The following SPNS2 variants were observed in gnomAD, a reference collection of about 807,000 sequenced individuals.
SPNS2 encodes the protein SPNS lysolipid transporter 2, sphingosine-1-phosphate.
Under a neutral mutation model 57.6 loss-of-function variants are expected in SPNS2, and 37 were observed. The ratio of observed to expected loss-of-function variants is 0.64; its 90% CI spans 0.49 to 0.85. SPNS2 has a LOEUF of 0.85. SPNS2 is among the 40% of genes least tolerant of loss of function. The pLI, the probability that SPNS2 is intolerant of heterozygous loss-of-function variation, is 0.00. For missense variants in SPNS2, 831 were observed against 779.1 expected (o/e 1.07, Z -0.79); for synonymous variants, 440 against 346.9 (o/e 1.27, Z -2.98).
In SPNS2 at chr17:4,538,472, G is replaced by T. The variant is rs574084663; in HGVS notation, c.*1024G>T. The T allele has an allele frequency of 2.2e-4, 5 of 23,208 alleles. No individual in the cohort carries two copies. The highest frequency in any genetic ancestry group is 6.3e-4 in the Admixed American group (1 of 1,596). 1.4% of individuals were successfully genotyped at this position (23,208 alleles called of 1,614,324 possible). On this transcript the variant is annotated 3_prime_UTR_variant, in exon 13 of 13. Coordinates refer to ENST00000329078, the MANE Select transcript of SPNS2 (RefSeq NM_001124758.3). Reference sequence around the variant, plus strand: ...CTGGCATTCCACCAAGTGACCCCAGGGGGGGGCCAGGCCTTCGATCACCCA... The same window carrying T: ...CTGGCATTCCACCAAGTGACCCCAGTGGGGGGCCAGGCCTTCGATCACCCA...
chr17:4,525,230 C>G (rs1905235742), intron 3 of SPNS2, 37 bp downstream of exon 3: 1 of 1,606,480 alleles, frequency 6.2e-7, no homozygotes, highest in Non-Finnish European at 8.5e-7. Flanking sequence ...ACCCCTGTGT[C>G]CTGGTCCCTC....
intron 6 of SPNS2, 57 bp downstream of exon 6, chr17:4,532,741 G>T: frequency 6.3e-7 from 1 of 1,579,884 alleles, no homozygotes; most frequent in Non-Finnish European, 8.6e-7. Flanking sequence ...AGATGAGAGG[G>T]CCTGTCCCTG....
intron 12 of SPNS2, among the ~76,000 whole-genome samples, 158 bp from the exon 13 acceptor site, chr17:4,537,295 G>C (rs751347793): frequency 5.3e-5 from 8 of 152,226 alleles, no homozygotes; most frequent in Non-Finnish European, 1.2e-4. Flanking sequence ...CCTTCCCTCT[G>C]GGAGTTATAG....
chr17:4,533,494 A>T lies in SPNS2; in HGVS notation c.1278+62A>T, dbSNP rs902926494. 4 of 1,494,146 alleles carry T rather than the reference A, an allele frequency of 2.7e-6. No individual in the cohort carries two copies. In the East Asian group the frequency reaches 9.1e-5, roughly 34 times the overall value. 92.6% of individuals were successfully genotyped at this position (1,494,146 alleles called of 1,614,324 possible). ...GGGCCTGGGCCGCGGGAGGGTCTGG[A>T]ACAGGACATTCGGTCTGACTTACTG... is the stretch of plus-strand genomic sequence containing the variant. On this transcript the variant is annotated intron_variant, in intron 8 of 12. Transcript: ENST00000329078.
intron 2 of SPNS2, among the ~76,000 whole-genome samples, chr17:4,514,828 TG>T (rs1392693061): frequency 2.0e-5 from 3 of 152,066 alleles, no homozygotes; most frequent in African/African-American, 7.2e-5. Flanking sequence ...CATGGGCGCA[TG>T]GGAAGGAGTG....
At chr17:4,535,176 G>A (rs564399192) in intron 9 of SPNS2, among the ~76,000 whole-genome samples, 1 of 151,936 alleles carries the variant, frequency 6.6e-6, no homozygotes, top group Admixed American at 6.5e-5. Flanking sequence ...CCCCACCCCA[G>A]CCCCTCCTGT....
At chr17:4,525,030 C>T in intron 2 of SPNS2, 27 bp from the exon 3 acceptor site, 2 of 1,608,076 alleles carry the variant, frequency 1.2e-6, no homozygotes, top group East Asian at 4.5e-5. Context: ...GACCTGGGCC[C>T]CCCCTCAAGC....
intron 2 of SPNS2, among the ~76,000 whole-genome samples, chr17:4,514,071 C>T (rs1209057061): frequency 6.6e-6 from 1 of 152,248 alleles, no homozygotes; most frequent in Non-Finnish European, 1.5e-5. Context: ...GGAGCTGGGC[C>T]CTTGGCTCCC....
rs11868893 is a variant in SPNS2 at position 4,536,433 on chromosome 17, G to T, written c.1607+7G>T. On this transcript the variant is annotated splice_region_variant and intron_variant, in intron 11 of 12. Coordinates refer to ENST00000329078, the MANE Select transcript of SPNS2 (RefSeq NM_001124758.3). ...GCGCCAGGGCTGAGCAGCAGTGAGT[G>T]GGGGGGAGGGGAGGCCCTGCTGCAC... 5,396 of 1,500,362 alleles carry T rather than the reference G, an allele frequency of 3.6e-3. 129 individuals carry two copies. The African/African-American group carries it at 0.073, about 20-fold the overall frequency. The allele number at this position is 1,500,362 out of a possible 1,614,324, so 92.9% of individuals were successfully genotyped here.
At chr17:4,533,626 G>A (rs966114962) in intron 8 of SPNS2, 162 bp from the exon 9 acceptor site, 4 of 1,033,736 alleles carry the variant, frequency 3.9e-6, no homozygotes, top group South Asian at 1.5e-5. Context: ...CAGGGCCGTG[G>A]GCATGGCTTG....
At position 4,533,138 on chromosome 17, in the gene SPNS2, C is replaced by T. The variant is rs1444887601; in HGVS notation, c.1088+9C>T. On this transcript the variant is annotated intron_variant, in intron 7 of 12. Transcript: ENST00000329078. ...TGTGGGGCCAAGGACAGGTGGGGCC[C>T]CGCGGGGTGGGCCCAGGGCTGGTGA... The T allele has an allele frequency of 2.5e-6, 4 of 1,603,270 alleles. No homozygotes were observed. The highest frequency in any genetic ancestry group is 2.6e-6 in the Non-Finnish European group (3 of 1,174,350).
chr17:4,500,580 AACAC>A (rs10616309), intron 1 of SPNS2, among the ~76,000 whole-genome samples: 22,499 of 151,966 alleles, frequency 0.15, 1,870 homozygotes, highest in Non-Finnish European at 0.18. Context: ...GGAGCTATCA[AACAC>A]ACACACAACA....
At chr17:4,534,355 TG>T in intron 9 of SPNS2, 1 of 191,948 alleles carries the variant, frequency 5.2e-6, no homozygotes, top group Non-Finnish European at 1.1e-5. Flanking sequence ...TGTCCCTGGG[TG>T]GGGATGGGAG....
At chr17:4,506,190 G>C (rs550124898) in intron 1 of SPNS2, among the ~76,000 whole-genome samples, 1 of 152,150 alleles carries the variant, frequency 6.6e-6, no homozygotes, top group East Asian at 1.9e-4. Context: ...CCTTCTGCAC[G>C]TCAGCTTCCA....
At chr17:4,530,113 A>G (rs576776098) in intron 3 of SPNS2, among the ~76,000 whole-genome samples, 5 of 152,268 alleles carry the variant, frequency 3.3e-5, no homozygotes, top group African/African-American at 9.6e-5. Flanking sequence ...TGGTGTGTGC[A>G]GGGGGAGGGG....
chr17:4,538,739 T>G lies in SPNS2; in HGVS notation c.*1291T>G. 1 of 689,642 alleles carries G rather than the reference T, an allele frequency of 1.5e-6. No homozygotes were observed. Among genetic ancestry groups the G allele is most frequent in the South Asian group, 1.5e-5 (1 of 64,696 alleles). The allele number at this position is 689,642 out of a possible 1,614,324, so 42.7% of individuals were successfully genotyped here. A position where few individuals can be genotyped will look rare whatever the true frequency, so the allele number is the denominator to read the frequency against. The stretch of plus-strand genomic sequence containing the variant: ...CTGGCTGGCTGTGGCTTCAGTGGTG[T>G]GTAAGCAGGTGGAATACTCACCCAC... On this transcript the variant is annotated 3_prime_UTR_variant, in exon 13 of 13. Coordinates refer to ENST00000329078, the MANE Select transcript of SPNS2 (RefSeq NM_001124758.3).
intron 11 of SPNS2, 47 bp downstream of exon 11, chr17:4,536,473 G>GACC: frequency 6.4e-7 from 1 of 1,566,350 alleles, no homozygotes; most frequent in East Asian, 2.2e-5. Context: ...GGGAAGCAGG[G>GACC]ACCGTGATAG....
chr17:4,533,400 G>A lies in SPNS2; in HGVS notation c.1246G>A (p.Val416Met), dbSNP rs551257158. ...TGCCATCTTCATCTGCCTGATCTTC[G>A]TGGCTGCCAAGAGCAGCATCGTAGG... ...GSAIFICLIF[V>M]AAKSSIVGAY... Residue 416 changes from valine (V) to methionine (M), a missense_variant, in exon 8 of 13, where the codon GTG becomes ATG. Val to Met is a conservative substitution (Grantham distance 21). Around this residue, in one of 2 missense-constraint regions of SPNS2, gnomAD observed 526 missense variants for 400.9 expected, o/e 1.31. Transcript: ENST00000329078. The A allele has an allele frequency of 7.5e-6, 12 of 1,608,680 alleles. No homozygotes were observed. Among genetic ancestry groups the A allele is most frequent in the Admixed American group, 1.7e-5 (1 of 59,606 alleles).
intron 1 of SPNS2, among the ~76,000 whole-genome samples, chr17:4,501,490 G>A (rs1435757462): frequency 1.3e-5 from 2 of 152,206 alleles, no homozygotes; most frequent in East Asian, 3.9e-4. Context: ...AGGGAGGAAG[G>A]CCCGGAAAGT....
Sources: gnomAD v4.1 joint callset for allele counts (sites outside exome capture counted in the v4.1 genomes callset) on GRCh38, gnomAD v4.1.1 for gene constraint, gnomAD v4.1.1 regional missense constraint, MANE v1.5 for transcripts, NCBI Gene and HGNC (gene_info 2026-07-23, HGNC 2026-07-21) for gene names.